Variants in NIPBL observed in about 807,000 individuals in gnomAD.
NIPBL encodes the protein nipped-B-like protein.
In NIPBL, 19 loss-of-function variants were observed where a neutral mutation model predicts 321.8. The observed-to-expected ratio is 0.06, with a 90% confidence interval of 0.04 to 0.09. The LOEUF (loss-of-function observed/expected upper bound fraction) is 0.09. Among genes scored for constraint, NIPBL ranks in the 10% least tolerant of loss-of-function variants. NIPBL has a pLI of 1.00. For missense variants in NIPBL, 2,210 were observed against 3,327.0 expected, an observed-to-expected ratio of 0.66 and a Z score of 8.26; for synonymous variants, 1,106 against 1,114.1, an observed-to-expected ratio of 0.99 and a Z score of 0.14.
chr5:36,926,587 G>A (rs1283882743), intron 1 of NIPBL, among the ~76,000 whole-genome samples: 1 of 152,200 alleles, frequency 6.6e-6, no homozygotes, highest in African/African-American at 2.4e-5. Flanking sequence ...AAAGCTGTAA[G>A]ATTTCTTATC....
In NIPBL at chr5:37,051,611, G is replaced by A. The variant is rs143525095; in HGVS notation, c.6955-168G>A. On this transcript the variant is annotated intron_variant, in intron 40 of 46. Coordinates refer to ENST00000282516, the MANE Select transcript of NIPBL (RefSeq NM_133433.4). ...CTCCAGTGCTTTCTGGATTTAAGCT[G>A]AATCTCAAAAGATCTGTCATTTTAA... The A allele has an allele frequency of 2.9e-3, 1,798 of 618,264 alleles. 32 individuals are homozygous for A. The African/African-American group carries it at 0.029, about 10-fold the overall frequency. 38.3% of individuals were successfully genotyped at this position (618,264 alleles called of 1,614,324 possible).
intron 8 of NIPBL, among the ~76,000 whole-genome samples, chr5:36,972,622 C>T (rs1237183396): frequency 6.6e-6 from 1 of 152,110 alleles, no homozygotes; most frequent in African/African-American, 2.4e-5. Flanking sequence ...TCTAATTCTT[C>T]ATTTCCAGAC....
intron 1 of NIPBL, among the ~76,000 whole-genome samples, chr5:36,926,226 C>G (rs890521060): frequency 2.0e-5 from 3 of 152,198 alleles, no homozygotes; most frequent in Admixed American, 2.0e-4. Flanking sequence ...TTATCTGTTG[C>G]TGTGTAACAA....
At chr5:36,963,720 T>A (rs1240913688) in intron 6 of NIPBL, among the ~76,000 whole-genome samples, 2 of 151,654 alleles carry the variant, frequency 1.3e-5, no homozygotes, top group African/African-American at 4.8e-5. Flanking sequence ...ACCCAGAAGG[T>A]CAAGACTGCA....
intron 1 of NIPBL, among the ~76,000 whole-genome samples, chr5:36,940,657 T>G (rs1040815209): frequency 6.6e-6 from 1 of 152,152 alleles, no homozygotes; most frequent in African/African-American, 2.4e-5. Flanking sequence ...GTTTTGTTTT[T>G]CATATAAAAA....
chr5:36,882,878 T>C (rs1284522762), intron 1 of NIPBL, among the ~76,000 whole-genome samples: 1 of 151,452 alleles, frequency 6.6e-6, no homozygotes, highest in Non-Finnish European at 1.5e-5. Flanking sequence ...ATTATAGTCT[T>C]TTTTTTTAAA....
intron 32 of NIPBL, among the ~76,000 whole-genome samples, chr5:37,033,440 GA>G (rs1447683184): frequency 6.6e-6 from 1 of 151,592 alleles, no homozygotes; most frequent in Non-Finnish European, 1.5e-5. Context: ...AGAGATCCCA[GA>G]AAACAGGCTT....
chr5:37,001,332 A>G (rs2149670741), intron 14 of NIPBL, among the ~76,000 whole-genome samples: 1 of 152,306 alleles, frequency 6.6e-6, no homozygotes, highest in East Asian at 1.9e-4. Flanking sequence ...ATACAGAGGC[A>G]TACTCTGTGC....
intron 21 of NIPBL, among the ~76,000 whole-genome samples, chr5:37,012,076 GTTAT>G (rs1315931575): frequency 6.7e-6 from 1 of 148,840 alleles, no homozygotes. Context: ...TTTTCCTATA[GTTAT>G]TTGTCTGTTG....
chr5:36,904,829 C>G (rs1239276782), intron 1 of NIPBL, among the ~76,000 whole-genome samples: 3 of 152,136 alleles, frequency 2.0e-5, no homozygotes, highest in Non-Finnish European at 4.4e-5. Flanking sequence ...CTTAAAGTGA[C>G]TAAGAGAGGG....
intron 6 of NIPBL, among the ~76,000 whole-genome samples, chr5:36,965,492 TG>T (rs1204285972): frequency 2.0e-5 from 3 of 152,066 alleles, no homozygotes; most frequent in African/African-American, 7.2e-5. Context: ...GAGAATAGAT[TG>T]GTGGTTACCA....
chr5:37,024,693 A>C lies in NIPBL; in HGVS notation c.5683A>C (p.Arg1895=), dbSNP rs562826277. The C allele has an allele frequency of 1.2e-6, 2 of 1,612,528 alleles. No individual in the cohort carries two copies. Among genetic ancestry groups the C allele is most frequent in the South Asian group, 2.2e-5 (2 of 90,926 alleles). Residue 1895 remains arginine (R), a synonymous_variant, in exon 30 of 47, where the codon AGA becomes CGA. Transcript: ENST00000282516. The part of the protein sequence containing the change: ...ITEMCVKMIR[R]VNDEEGIKKL... Reference sequence around the variant, plus strand: ...AGAAATGTGTGTAAAAATGATTCGCAGAGTCAATGATGAAGAGGGCATTAA... The same window carrying C: ...AGAAATGTGTGTAAAAATGATTCGCCGAGTCAATGATGAAGAGGGCATTAA...
At chr5:36,899,992 G>T (rs906489728) in intron 1 of NIPBL, among the ~76,000 whole-genome samples, 1 of 151,980 alleles carries the variant, frequency 6.6e-6, no homozygotes, top group South Asian at 2.1e-4. Context: ...AAAAGTCTTC[G>T]CTAAAGCCTT....
At chr5:36,995,469 CTTT>C in intron 10 of NIPBL, 150 bp from the exon 11 acceptor site, 1 of 604,576 alleles carries the variant, frequency 1.7e-6, no homozygotes, top group South Asian at 2.1e-5. Flanking sequence ...TATATTGTCA[CTTT>C]AGGGTTAAGA....
intron 1 of NIPBL, among the ~76,000 whole-genome samples, chr5:36,907,954 A>C (rs1406228545): frequency 6.6e-6 from 1 of 152,204 alleles, no homozygotes; most frequent in African/African-American, 2.4e-5. Flanking sequence ...TAGTAAAAAA[A>C]CATGCAGCTA....
At chr5:36,980,179 A>G (rs551870190) in intron 9 of NIPBL, among the ~76,000 whole-genome samples, 2 of 151,914 alleles carry the variant, frequency 1.3e-5, no homozygotes, top group East Asian at 1.9e-4. Flanking sequence ...AACAGATACA[A>G]CATACTGTTC....
chr5:37,043,913 A>T (rs1242531407), intron 34 of NIPBL, among the ~76,000 whole-genome samples: 1 of 152,188 alleles, frequency 6.6e-6, no homozygotes, highest in Non-Finnish European at 1.5e-5. Flanking sequence ...ACAACCAAAA[A>T]TGTCTCCAGA....
chr5:36,921,892 GTTT>G (rs57962323), intron 1 of NIPBL, among the ~76,000 whole-genome samples: 7 of 141,962 alleles, frequency 4.9e-5, no homozygotes. Context: ...GGTTTTTTTT[GTTT>G]TTTTTTTTTG....
chr5:36,991,118 C>G (rs1177055229), intron 10 of NIPBL, among the ~76,000 whole-genome samples: 1 of 151,930 alleles, frequency 6.6e-6, no homozygotes, highest in Non-Finnish European at 1.5e-5. Flanking sequence ...TCTGTCTTGC[C>G]TATAAAAATA....
Sources: allele counts gnomAD v4.1 joint callset (sites outside exome capture counted in the v4.1 genomes callset), GRCh38; gene constraint gnomAD v4.1.1; transcripts MANE v1.5; gene names NCBI Gene and HGNC (gene_info 2026-07-23, HGNC 2026-07-21).